NAT10: variants seen among roughly 807,000 people sequenced by gnomAD.
The protein encoded by NAT10 is RNA cytidine acetyltransferase.
NAT10 carries 109 observed loss-of-function variants against 132.2 expected under a neutral mutation model. The observed-to-expected ratio is 0.82, with a 90% CI of 0.71 to 0.97. NAT10 has a LOEUF of 0.97. Ranked by LOEUF, NAT10 falls within the 50% of genes least tolerant of loss-of-function variation. The pLI is 0.00. For missense variants in NAT10, 1,184 were observed against 1,263.4 expected (o/e 0.94, Z 0.95); for synonymous variants, 479 against 478.0 (o/e 1.00, Z -0.03).
chr11:34,129,862 G>C (rs911217559), intron 12 of NAT10, among the ~76,000 whole-genome samples: 5 of 151,960 alleles, frequency 3.3e-5, no homozygotes, highest in Admixed American at 2.6e-4. Context: ...ACCCGCCTCG[G>C]CCTCCCAAAG....
At chr11:34,118,743 T>A (rs1479935818) in intron 8 of NAT10, among the ~76,000 whole-genome samples, 1 of 152,046 alleles carries the variant, frequency 6.6e-6, no homozygotes, top group Non-Finnish European at 1.5e-5. Flanking sequence ...AGATGAATTA[T>A]TATTATTATT....
At chr11:34,123,906 A>G (rs879039302) in intron 10 of NAT10, 51 bp downstream of exon 10, 5 of 1,434,312 alleles carry the variant, frequency 3.5e-6, no homozygotes, top group South Asian at 2.3e-5. Flanking sequence ...GTGGTGGCTC[A>G]CGCCTGTAAT....
At chr11:34,134,242 G>A (rs1852164129) in intron 16 of NAT10, 77 bp from the exon 17 acceptor site, 2 of 1,294,834 alleles carry the variant, frequency 1.5e-6, no homozygotes, top group East Asian at 2.3e-5. Flanking sequence ...CCTAGTTCGA[G>A]AAACAAGCTA....
chr11:34,136,376 C>T (rs1043266092), intron 19 of NAT10, among the ~76,000 whole-genome samples: 6 of 152,224 alleles, frequency 3.9e-5, no homozygotes, highest in African/African-American at 1.4e-4. Context: ...GCCACCACTC[C>T]CGGCCTCTGT....
chr11:34,121,323 G>C (rs1201804255), intron 8 of NAT10, among the ~76,000 whole-genome samples: 1 of 152,114 alleles, frequency 6.6e-6, no homozygotes, highest in Non-Finnish European at 1.5e-5. Context: ...CAGAGCAGTA[G>C]AGGAGGATAG....
intron 25 of NAT10, 37 bp from the exon 26 acceptor site, chr11:34,141,682 C>A (rs973432471): frequency 6.9e-6 from 11 of 1,599,784 alleles, no homozygotes; most frequent in Non-Finnish European, 8.6e-6. Context: ...CCTGCTGCTC[C>A]TTCATCTTCT....
rs1852452531 is a variant in NAT10 at position 34,146,836 on chromosome 11, A to C, written c.*644A>C. 6.6e-6 allele frequency: 1 copy of C among 152,280 alleles called. No homozygotes were observed. The highest frequency in any genetic ancestry group is 1.5e-5 in the Non-Finnish European group (1 of 68,072). The allele number at this position is 152,280 out of a possible 1,614,324, so 9.4% of individuals were successfully genotyped here. On this transcript the variant is annotated 3_prime_UTR_variant, in exon 29 of 29. Transcript: ENST00000257829. ...CATCCATTTGGGAAAAGATGTTGGG[A>C]AAGGCCACTTTGCTCGCAGGGGTGA...
intron 21 of NAT10, among the ~76,000 whole-genome samples, chr11:34,138,474 G>T (rs1852259181): frequency 6.6e-6 from 1 of 152,236 alleles, no homozygotes; most frequent in African/African-American, 2.4e-5. Context: ...ACTGCTGGGT[G>T]TTGGGCTGCT....
intron 3 of NAT10, 31 bp downstream of exon 3, chr11:34,108,864 A>G (rs2134150684): frequency 2.5e-6 from 4 of 1,569,582 alleles, no homozygotes; most frequent in South Asian, 1.2e-5. Context: ...GTTTTATCCA[A>G]CTTACAATTC....
At chr11:34,140,349 C>T in intron 23 of NAT10, 51 bp from the exon 24 acceptor site, 1 of 1,565,840 alleles carries the variant, frequency 6.4e-7, no homozygotes, top group Non-Finnish European at 8.7e-7. Context: ...TGTGCTATCT[C>T]ATGAGGGCGC....
chr11:34,132,156 T>A lies in NAT10; in HGVS notation c.1552T>A (p.Tyr518Asn). 1 of 1,614,170 alleles carries A rather than the reference T, an allele frequency of 6.2e-7. No homozygotes were observed. The highest frequency in any genetic ancestry group is 8.5e-7 in the Non-Finnish European group (1 of 1,179,994). The change falls in exon 15 of 29, where the codon TAC (tyrosine) becomes AAC (asparagine). Residue 518 changes from tyrosine (Y) to asparagine (N), a missense_variant. Coordinates refer to ENST00000257829, the MANE Select transcript of NAT10 (RefSeq NM_024662.3). ...YYVNRDTLFCYHKASEVFLQR... is the reference protein window; with the variant it reads ...YYVNRDTLFCNHKASEVFLQR... ...TGTTAATAGAGATACCCTCTTTTGC[T>A]ACCACAAGGCCTCTGAAGTTTTCCT...
At chr11:34,136,220 T>C (rs1292203459) in intron 19 of NAT10, among the ~76,000 whole-genome samples, 2 of 152,048 alleles carry the variant, frequency 1.3e-5, no homozygotes, top group Non-Finnish European at 2.9e-5. Context: ...TAGCTGGGAC[T>C]ACAAGCACAC....
At chr11:34,108,496 T>A (rs533520120) in intron 2 of NAT10, among the ~76,000 whole-genome samples, 163 bp downstream of exon 2, 6 of 152,362 alleles carry the variant, frequency 3.9e-5, no homozygotes, top group African/African-American at 1.4e-4. Flanking sequence ...GTGAATTCTC[T>A]GTATTTAGAT....
intron 15 of NAT10, 57 bp downstream of exon 15, chr11:34,132,278 C>T (rs1401445806): frequency 5.8e-6 from 8 of 1,372,658 alleles, no homozygotes; most frequent in Non-Finnish European, 8.3e-6. Flanking sequence ...ATTTGGCAGT[C>T]CCCTTTTACT....
At chr11:34,141,589 A>G in intron 25 of NAT10, 130 bp from the exon 26 acceptor site, 1 of 786,282 alleles carries the variant, frequency 1.3e-6, no homozygotes, top group Non-Finnish European at 2.1e-6. Flanking sequence ...CCACATTCCT[A>G]AACTGTAGAG....
intron 19 of NAT10, 122 bp from the exon 20 acceptor site, chr11:34,136,520 A>G: frequency 8.4e-7 from 1 of 1,192,568 alleles, no homozygotes; most frequent in South Asian, 1.4e-5. Flanking sequence ...CCACAGCAAT[A>G]AACCAAGAAA....
chr11:34,113,926 G>A, intron 5 of NAT10, 88 bp downstream of exon 5: 1 of 1,521,848 alleles, frequency 6.6e-7, no homozygotes, highest in Non-Finnish European at 8.9e-7. Context: ...TTCCTGTTGG[G>A]CAGCTCCAGT....
At chr11:34,125,960 G>A (rs1423557863) in intron 11 of NAT10, among the ~76,000 whole-genome samples, 2 of 152,184 alleles carry the variant, frequency 1.3e-5, no homozygotes, top group Admixed American at 6.5e-5. Context: ...CAGCCTGGGC[G>A]ACAGAGTGAG....
chr11:34,118,922 AAG>A (rs1851835297), intron 8 of NAT10, among the ~76,000 whole-genome samples: 1 of 152,114 alleles, frequency 6.6e-6, no homozygotes, highest in African/African-American at 2.4e-5. Flanking sequence ...ATTACATTGA[AAG>A]AGGAATCCTC....
Sources: allele counts gnomAD v4.1 joint callset (sites outside exome capture counted in the v4.1 genomes callset), GRCh38; gene constraint gnomAD v4.1.1; transcripts MANE v1.5; gene names NCBI Gene and HGNC (gene_info 2026-07-23, HGNC 2026-07-21).